Variants in CCDC181 observed in about 807,000 individuals in gnomAD.
CCDC181 encodes the protein coiled-coil domain-containing protein 181.
In CCDC181, 35 loss-of-function variants were observed where a neutral mutation model predicts 58.7. The ratio of observed to expected loss-of-function variants is 0.60; its 90% confidence interval spans 0.46 to 0.79. CCDC181 has a LOEUF of 0.79. Among genes scored for constraint, CCDC181 ranks in the 30% least tolerant of loss-of-function variants. CCDC181 has a pLI of 0.00. For missense variants in CCDC181, 517 were observed against 583.9 expected, an observed-to-expected ratio of 0.89 and a Z score of 1.18; for synonymous variants, 183 against 197.5, an observed-to-expected ratio of 0.93 and a Z score of 0.62.
At position 169,419,044 on chromosome 1, in the gene CCDC181, C is replaced by G; in HGVS notation, c.1184G>C (p.Arg395Pro). The G allele has an allele frequency of 6.2e-7, 1 of 1,613,562 alleles. No individual in the cohort carries two copies. The highest frequency in any genetic ancestry group is 8.5e-7 in the Non-Finnish European group (1 of 1,179,846). Residue 395 changes from arginine to proline, a missense_variant, in exon 4 of 6, where the codon CGA becomes CCA. Physicochemically the swap from Arg to Pro is moderately radical, Grantham distance 103. Coordinates refer to ENST00000367806, the MANE Select transcript of CCDC181 (RefSeq NM_001300969.2). ...GTTCATGTCTTCAATTTCCTTTGCT[C>G]GCTGAATTCTCCTCATTTCTAAGAC... is the stretch of plus-strand genomic sequence containing the variant. The part of the protein sequence containing the change: ...EQVLEMRRIQ[R>P]AKEIEDMNSR...
At chr1:169,400,092 T>A (rs12565852) in intron 4 of CCDC181, among the ~76,000 whole-genome samples, 6,802 of 152,200 alleles carry the variant, frequency 0.045, 212 homozygotes, top group East Asian at 0.12. Context: ...GTAGCTGCTG[T>A]TAATGAAGAA....
chr1:169,431,702 G>C (rs1656923709), upstream of CCDC181, among the ~76,000 whole-genome samples: 3 of 152,120 alleles, frequency 2.0e-5, no homozygotes, highest in South Asian at 6.2e-4. Context: ...TCCCTAGCAG[G>C]CAGTCTGTAT....
At chr1:169,400,540 A>T (rs1270985509) in intron 4 of CCDC181, among the ~76,000 whole-genome samples, 1 of 152,186 alleles carries the variant, frequency 6.6e-6, no homozygotes, top group Non-Finnish European at 1.5e-5. Flanking sequence ...GATGACATAG[A>T]TATTGGCATT....
At chr1:169,435,593 G>T (rs1657037315) in intron 2 of CCDC181, among the ~76,000 whole-genome samples, 1 of 152,016 alleles carries the variant, frequency 6.6e-6, no homozygotes, top group Non-Finnish European at 1.5e-5. Flanking sequence ...CATAATATTT[G>T]CCTTATTTTT....
At chr1:169,414,132 A>G (rs575240604) in intron 4 of CCDC181, among the ~76,000 whole-genome samples, 1 of 152,350 alleles carries the variant, frequency 6.6e-6, no homozygotes, top group Non-Finnish European at 1.5e-5. Flanking sequence ...AGCCACAGAT[A>G]CATTGAAAGT....
chr1:169,435,379 A>G lies in CCDC181; in HGVS notation c.-23-10429T>C, dbSNP rs1408722856. Reference sequence around the variant, plus strand: ...ACCACTAAAAGTTGAATTGTATGGTATTAGTATATGAATTATATGTCAACA... The same window carrying G: ...ACCACTAAAAGTTGAATTGTATGGTGTTAGTATATGAATTATATGTCAACA... On this transcript the variant is annotated intron_variant, in intron 2 of 6. Coordinates refer to the CCDC181 transcript ENST00000545005. Among the ~76,000 whole-genome samples the G allele has an allele frequency of 5.9e-5, 9 of 152,244 alleles. No individual in the cohort carries two copies. In the East Asian group the frequency reaches 1.7e-3, roughly 29 times the overall value.
chr1:169,421,343 A>T lies in CCDC181; in HGVS notation c.1068+20T>A. The T allele has an allele frequency of 6.5e-7, 1 of 1,537,434 alleles. No individual in the cohort carries two copies. Among genetic ancestry groups the T allele is most frequent in the Non-Finnish European group, 8.9e-7 (1 of 1,128,762 alleles). The stretch of plus-strand genomic sequence containing the variant: ...TAAAACATACTCTACTTTTAATATA[A>T]TGCCCACTTAGGTTCTCACCTCTCT... On this transcript the variant is annotated intron_variant, in intron 3 of 5. Coordinates refer to ENST00000367806, the MANE Select transcript of CCDC181 (RefSeq NM_001300969.2).
chr1:169,439,131 G>A (rs543849464), intron 2 of CCDC181, among the ~76,000 whole-genome samples: 2 of 152,030 alleles, frequency 1.3e-5, no homozygotes, highest in African/African-American at 4.8e-5. Context: ...GCTGAACTGA[G>A]ACAGACACCC....
intron 2 of CCDC181, among the ~76,000 whole-genome samples, chr1:169,435,282 T>C (rs1223640334): frequency 6.6e-6 from 1 of 152,072 alleles, no homozygotes; most frequent in Non-Finnish European, 1.5e-5. Context: ...GGTAAATCTA[T>C]AGAGATTGAA....
intron 2 of CCDC181, among the ~76,000 whole-genome samples, chr1:169,441,887 C>T (rs17576927): frequency 0.087 from 13,149 of 151,944 alleles, 770 homozygotes; most frequent in Admixed American, 0.19. Flanking sequence ...ATACTAGTTA[C>T]GTGTATAAAT....
In CCDC181 at chr1:169,421,883, A is replaced by T; in HGVS notation, c.548T>A (p.Phe183Tyr). Residue 183 changes from phenylalanine to tyrosine, a missense_variant, in exon 3 of 6, where the codon TTT becomes TAT. Physicochemically the swap from Phe to Tyr is conservative, Grantham distance 22 (BLOSUM62 3). Transcript: ENST00000367806. ...KNYFENERNM[F>Y]GKLSQLCISN... ...AATACATAATTGTGACAGTTTCCCA[A>T]ACATATTCCTTTCGTTTTCAAAATA... 6.2e-7 allele frequency: 1 copy of T among 1,613,866 alleles called. No homozygotes were observed. Among genetic ancestry groups the T allele is most frequent in the Non-Finnish European group, 8.5e-7 (1 of 1,179,974 alleles).
Position 169,419,053 on chromosome 1 carries a change from C to G in CCDC181, c.1175G>C (p.Arg392Thr). 1 of 1,613,618 alleles carries G rather than the reference C, an allele frequency of 6.2e-7. No individual in the cohort carries two copies. The highest frequency in any genetic ancestry group is 8.5e-7 in the Non-Finnish European group (1 of 1,179,872). Residue 392 changes from arginine to threonine, a missense_variant, in exon 4 of 6, where the codon AGA (arginine) becomes ACA (threonine). Physicochemically the swap from Arg to Thr is moderately conservative, Grantham distance 71. Transcript: ENST00000367806. ...KKREQVLEMR[R>T]IQRAKEIEDM... ...TTCAATTTCCTTTGCTCGCTGAATT[C>G]TCCTCATTTCTAAGACCTGCTCTCT...
chr1:169,398,462 G>C (rs1019295040), intron 4 of CCDC181, among the ~76,000 whole-genome samples: 5 of 152,116 alleles, frequency 3.3e-5, no homozygotes, highest in Non-Finnish European at 5.9e-5. Context: ...AGGATTCAGG[G>C]AGCAACAGGA....
At chr1:169,427,674 C>T (rs1656778493), upstream of CCDC181, among the ~76,000 whole-genome samples, 1 of 152,208 alleles carries the variant, frequency 6.6e-6, no homozygotes, top group Admixed American at 6.5e-5. Context: ...TGTCTCTCGT[C>T]AGATTTAGAA....
At chr1:169,457,877 T>C (rs897256676) in intron 2 of CCDC181, among the ~76,000 whole-genome samples, 3 of 152,220 alleles carry the variant, frequency 2.0e-5, no homozygotes, top group Admixed American at 6.5e-5. Context: ...TTTCTTCATC[T>C]TTCTAGAAAT....
intron 3 of CCDC181, among the ~76,000 whole-genome samples, 186 bp from the exon 4 acceptor site, chr1:169,419,345 C>T (rs1656362872): frequency 6.6e-6 from 1 of 152,214 alleles, no homozygotes; most frequent in South Asian, 2.1e-4. Context: ...TCTGGGGGGC[C>T]GAGGCAGGCA....
At chr1:169,457,298 C>T (rs957954596) in intron 2 of CCDC181, among the ~76,000 whole-genome samples, 1 of 152,098 alleles carries the variant, frequency 6.6e-6, no homozygotes, top group Non-Finnish European at 1.5e-5. Context: ...TTGCTAAATT[C>T]TCATTCTTAA....
intron 2 of CCDC181, among the ~76,000 whole-genome samples, chr1:169,449,683 A>C (rs1657478759): frequency 6.6e-6 from 1 of 152,260 alleles, no homozygotes; most frequent in Non-Finnish European, 1.5e-5. Context: ...GTTCGAGGGC[A>C]GGAAGCATCC....
chr1:169,424,710 G>T (rs1656637370), intron 2 of CCDC181, 101 bp downstream of exon 2: 2 of 679,092 alleles, frequency 2.9e-6, no homozygotes, highest in East Asian at 5.1e-5. Flanking sequence ...GTAGATCAAA[G>T]AAATTTTGTG....
Sources: allele counts gnomAD v4.1 joint callset (sites outside exome capture counted in the v4.1 genomes callset), GRCh38; gene constraint gnomAD v4.1.1; transcripts MANE v1.5; gene names NCBI Gene and HGNC (gene_info 2026-07-23, HGNC 2026-07-21).